PCDHA8: variants seen among roughly 807,000 people sequenced by gnomAD.
The protein encoded by PCDHA8 is protocadherin alpha-8.
A neutral mutation model predicts 61.8 loss-of-function variants in PCDHA8; 53 were observed. The observed-to-expected ratio is 0.86, with a 90% CI of 0.69 to 1.08. PCDHA8 has a LOEUF of 1.08. Among genes scored for constraint, PCDHA8 ranks in the 50% least tolerant of loss-of-function variants. The pLI, the probability that PCDHA8 is intolerant of heterozygous loss-of-function variation, is 0.00. For synonymous variants in PCDHA8, 618 were observed against 556.6 expected (o/e 1.11, Z -1.55); for missense variants, 1,293 against 1,245.0 (o/e 1.04, Z -0.58).
chr5:140,927,796 C>T, intron 1 of PCDHA8: 1 of 1,614,202 alleles, frequency 6.2e-7, no homozygotes, highest in South Asian at 1.1e-5. Context: ...ACTAGGTCCG[C>T]CTGAAACGCT....
chr5:140,842,582 T>A lies in PCDHA8; in HGVS notation c.1261T>A (p.Tyr421Asn). ...SALDRERVSA[Y>N]ELVVTARDGG... Reference sequence around the variant, plus strand: ...CCTGGACCGCGAGAGAGTGTCGGCCTATGAGTTGGTGGTAACCGCGCGGGA... The same window carrying A: ...CCTGGACCGCGAGAGAGTGTCGGCCAATGAGTTGGTGGTAACCGCGCGGGA... Residue 421 changes from tyrosine to asparagine, a missense_variant, in exon 1 of 4, where the codon TAT becomes AAT. By Grantham distance (143) the Tyr-to-Asn change is moderately radical. Transcript: ENST00000531613. 6.6e-7 allele frequency: 1 copy of A among 1,520,542 alleles called. No homozygotes were observed. The highest frequency in any genetic ancestry group is 8.9e-7 in the Non-Finnish European group (1 of 1,118,252). 94.2% of individuals were successfully genotyped at this position (1,520,542 alleles called of 1,614,324 possible). A position where few individuals can be genotyped will look rare whatever the true frequency, so the allele number is the denominator to read the frequency against.
At chr5:140,875,982 T>A (rs782696437) in intron 1 of PCDHA8, 7 of 1,614,008 alleles carry the variant, frequency 4.3e-6, no homozygotes, top group Non-Finnish European at 5.9e-6. Context: ...TTTTGACCTA[T>A]GCGTTAAGTC....
At chr5:140,851,891 A>T (rs1554145590) in intron 1 of PCDHA8, 4 of 976,308 alleles carry the variant, frequency 4.1e-6, no homozygotes, top group East Asian at 1.1e-4. Flanking sequence ...TGGATATGAG[A>T]TTTGCCTCTT....
At chr5:140,918,793 A>G (rs155800) in intron 1 of PCDHA8, among the ~76,000 whole-genome samples, 49,687 of 146,416 alleles carry the variant, frequency 0.34, 8,402 homozygotes, top group East Asian at 0.54. Context: ...GACACAGCAA[A>G]AATGTGACAT....
intron 3 of PCDHA8, among the ~76,000 whole-genome samples, chr5:141,006,789 C>T (rs1388215052): frequency 6.6e-6 from 1 of 152,026 alleles, no homozygotes; most frequent in Non-Finnish European, 1.5e-5. Flanking sequence ...GAATAATTAG[C>T]TTTGAACTTT....
Position 140,883,537 on chromosome 5 carries a change from G to A in PCDHA8, c.2394+39822G>A, listed in dbSNP as rs782001309. 3 of 1,614,238 alleles carry A rather than the reference G, an allele frequency of 1.9e-6. No individual in the cohort carries two copies. The African/African-American group carries it at 4.0e-5, about 22-fold the overall frequency. On this transcript the variant is annotated intron_variant, in intron 1 of 3. Transcript: ENST00000531613. ...GCGAGAGCGTATCAGCCTATGAACT[G>A]GTGGTGACCGCGCGGGACGGGGGCT...
At position 140,842,854 on chromosome 5, in the gene PCDHA8, C is replaced by T; in HGVS notation, c.1533C>T (p.His511=). 1 of 1,594,004 alleles carries T rather than the reference C, an allele frequency of 6.3e-7. No individual in the cohort carries two copies. Among genetic ancestry groups the T allele is most frequent in the South Asian group, 1.1e-5 (1 of 90,428 alleles). ...ERSLSSYISV[H]TESGKVYALQ... is the part of the protein sequence containing the mutation. ...CGCTGTCGAGCTACATTTCGGTGCACACGGAGAGCGGCAAGGTGTACGCGC... is the reference window on the plus strand; with the variant it reads ...CGCTGTCGAGCTACATTTCGGTGCATACGGAGAGCGGCAAGGTGTACGCGC... Residue 511 remains histidine, a synonymous_variant, in exon 1 of 4, where the codon CAC becomes CAT. Transcript: ENST00000531613.
At chr5:140,961,214 A>C (rs1406613180) in intron 1 of PCDHA8, among the ~76,000 whole-genome samples, 4 of 152,288 alleles carry the variant, frequency 2.6e-5, no homozygotes, top group East Asian at 3.9e-4. Context: ...ATTGATGAAG[A>C]AACTGGGTCC....
At position 140,841,349 on chromosome 5, in the gene PCDHA8, G is replaced by T; in HGVS notation, c.28G>T (p.Gly10Ter). 6.2e-7 allele frequency: 1 copy of T among 1,612,780 alleles called. No homozygotes were observed. The highest frequency in any genetic ancestry group is 8.5e-7 in the Non-Finnish European group (1 of 1,179,204). Reference protein sequence around the residue: MDYHWRGELGSWRLLLLLLL... With the variant: MDYHWRGEL ...GGATTATCACTGGCGAGGAGAGCTG[G>T]GATCCTGGCGACTACTACTCTTGCT... Residue 10 changes from glycine (G) to a stop codon, truncating the protein, a stop_gained, in exon 1 of 4, where the codon GGA (glycine) becomes TGA (stop). Coordinates refer to ENST00000531613, the MANE Select transcript of PCDHA8 (RefSeq NM_018911.3). LOFTEE classifies it high-confidence loss of function.
intron 3 of PCDHA8, among the ~76,000 whole-genome samples, chr5:140,999,591 C>T (rs2153957965): frequency 1.3e-5 from 2 of 152,208 alleles, no homozygotes; most frequent in South Asian, 4.2e-4. Flanking sequence ...AATTGCCTTC[C>T]CTACATCCTG....
intron 3 of PCDHA8, among the ~76,000 whole-genome samples, chr5:140,995,652 C>T (rs1018975214): frequency 2.0e-5 from 3 of 151,828 alleles, no homozygotes; most frequent in East Asian, 1.9e-4. Context: ...AAAGGAGAAT[C>T]GAAAAGGGAA....
intron 1 of PCDHA8, among the ~76,000 whole-genome samples, chr5:140,890,562 C>T (rs1456006217): frequency 1.3e-5 from 2 of 151,980 alleles, no homozygotes; most frequent in Non-Finnish European, 2.9e-5. Flanking sequence ...TTTTATTGTT[C>T]CATTTCCTTC....
intron 1 of PCDHA8, among the ~76,000 whole-genome samples, chr5:140,920,101 G>A (rs880001163): frequency 2.0e-5 from 3 of 152,180 alleles, no homozygotes; most frequent in African/African-American, 7.2e-5. Flanking sequence ...TCTAAAGGGA[G>A]TGCAACCTTG....
At chr5:140,915,137 C>T (rs2076999053) in intron 1 of PCDHA8, among the ~76,000 whole-genome samples, 3 of 151,800 alleles carry the variant, frequency 2.0e-5, no homozygotes, top group South Asian at 2.1e-4. Context: ...TTAGTAGAGA[C>T]GGGGTTTCAC....
intron 1 of PCDHA8, chr5:140,876,486 G>T (rs2153341413): frequency 6.2e-7 from 1 of 1,614,014 alleles, no homozygotes; most frequent in Non-Finnish European, 8.5e-7. Context: ...TGGTCCTGGT[G>T]GAAGTTCTGG....
intron 3 of PCDHA8, among the ~76,000 whole-genome samples, chr5:140,995,684 A>T (rs2097694657): frequency 6.6e-6 from 1 of 152,144 alleles, no homozygotes; most frequent in Non-Finnish European, 1.5e-5. Flanking sequence ...ATTTTTTTTA[A>T]TTGTTAAATA....
chr5:140,862,620 G>T, intron 1 of PCDHA8: 1 of 528,384 alleles, frequency 1.9e-6, no homozygotes, highest in South Asian at 1.4e-5. Context: ...GTAACAACCC[G>T]CGGGGCTGCC....
intron 1 of PCDHA8, chr5:140,868,729 T>C (rs1467955446): frequency 5.1e-6 from 1 of 195,146 alleles, no homozygotes; most frequent in African/African-American, 2.3e-5. Flanking sequence ...TTGATGTTAA[T>C]CGAGAAATAC....
chr5:140,902,024 C>T (rs1554190174), intron 1 of PCDHA8, among the ~76,000 whole-genome samples: 5 of 152,016 alleles, frequency 3.3e-5, no homozygotes, highest in Non-Finnish European at 1.5e-5. Flanking sequence ...TATAGAAATA[C>T]TACTAATTTT....
Sources: gnomAD v4.1 joint callset for allele counts (sites outside exome capture counted in the v4.1 genomes callset) on GRCh38, gnomAD v4.1.1 for gene constraint, MANE v1.5 for transcripts, NCBI Gene and HGNC (gene_info 2026-07-23, HGNC 2026-07-21) for gene names.